Variants in IDO2 observed in about 807,000 individuals in gnomAD.
IDO2 encodes the protein indoleamine 2,3-dioxygenase 2, also known as indoleamine 2,3-dioxygenase-like 1 protein.
In IDO2, 46 loss-of-function variants were observed where a neutral mutation model predicts 45.1. The observed-to-expected ratio is 1.02, with a 90% confidence interval of 0.80 to 1.30. The LOEUF (loss-of-function observed/expected upper bound fraction) is 1.30, where lower values mean the gene tolerates loss of function less well. IDO2 is among the 50% of genes most tolerant of loss of function. The probability of loss-of-function intolerance (pLI) is 0.00; values close to 1 mark genes in which losing one functional copy is unlikely to be tolerated. For missense variants in IDO2, 544 were observed against 491.8 expected (o/e 1.11, Z -1.00); for synonymous variants, 218 against 184.9 (o/e 1.18, Z -1.45).
chr8:39,948,999 G>C (rs532754634), intron 1 of IDO2, 150 bp from the exon 2 acceptor site: 521 of 984,034 alleles, frequency 5.3e-4, no homozygotes, highest in Middle Eastern at 1.3e-3. Flanking sequence ...CCCTGTCTCA[G>C]AGAAAGTCCA....
At chr8:39,972,678 G>A (rs964641327) in intron 3 of IDO2, among the ~76,000 whole-genome samples, 8 of 147,678 alleles carry the variant, frequency 5.4e-5, no homozygotes, top group African/African-American at 2.0e-4. Context: ...TTGCATGCAT[G>A]CAATGGATAA....
intron 1 of IDO2, among the ~76,000 whole-genome samples, chr8:39,948,096 G>A (rs1807765871): frequency 6.6e-6 from 1 of 152,202 alleles, no homozygotes; most frequent in African/African-American, 2.4e-5. Flanking sequence ...AGCCTCGAGT[G>A]CTATTTCTTT....
At chr8:39,951,466 G>A (rs1016398798) in intron 2 of IDO2, among the ~76,000 whole-genome samples, 4 of 152,092 alleles carry the variant, frequency 2.6e-5, no homozygotes, top group African/African-American at 4.8e-5. Flanking sequence ...TCAGGAAAGT[G>A]CTGGGACAAT....
chr8:39,977,178 A>T (rs1362349195), intron 3 of IDO2, among the ~76,000 whole-genome samples: 2 of 152,194 alleles, frequency 1.3e-5, no homozygotes, highest in African/African-American at 2.4e-5. Context: ...TGAATGATTG[A>T]TGGGGAAAGA....
chr8:39,981,302 T>C (rs2543068), intron 4 of IDO2, among the ~76,000 whole-genome samples: 125,150 of 151,986 alleles, frequency 0.82, 51,909 homozygotes, highest in African/African-American at 0.91. Context: ...CCTCGTGATC[T>C]GCCCGCCTTC....
intron 3 of IDO2, 142 bp from the exon 4 acceptor site, chr8:39,978,925 C>A (rs1034539092): frequency 1.4e-6 from 1 of 719,806 alleles, no homozygotes; most frequent in Non-Finnish European, 2.3e-6. Context: ...GGTGTGTGTG[C>A]GGGCTCTTTG....
At chr8:39,942,982 A>G (rs1370108580) in intron 1 of IDO2, among the ~76,000 whole-genome samples, 2 of 152,240 alleles carry the variant, frequency 1.3e-5, no homozygotes, top group African/African-American at 4.8e-5. Context: ...TTAAACATGC[A>G]GAGTCTGAGA....
intron 8 of IDO2, among the ~76,000 whole-genome samples, chr8:39,996,761 G>A (rs780181215): frequency 2.2e-4 from 33 of 151,872 alleles, no homozygotes; most frequent in Middle Eastern, 3.4e-3. Flanking sequence ...TTGAAGACAC[G>A]GTTTGAAAAA....
chr8:39,981,645 C>T (rs1326058917), intron 4 of IDO2, among the ~76,000 whole-genome samples: 1 of 152,106 alleles, frequency 6.6e-6, no homozygotes, highest in Non-Finnish European at 1.5e-5. Context: ...CCAATGCCTT[C>T]TGAGGAAAGT....
chr8:39,943,015 A>C (rs1205924432), intron 1 of IDO2, among the ~76,000 whole-genome samples: 1 of 152,206 alleles, frequency 6.6e-6, no homozygotes, highest in Non-Finnish European at 1.5e-5. Context: ...GAGGCATAAG[A>C]TGCTGAACTG....
intron 2 of IDO2, among the ~76,000 whole-genome samples, chr8:39,963,155 C>G (rs755912111): frequency 3.9e-5 from 6 of 152,182 alleles, no homozygotes. Flanking sequence ...CAGGAAGCAC[C>G]TACATCTGTT....
chr8:39,939,757 A>G, intron 1 of IDO2, among the ~76,000 whole-genome samples: 1 of 151,876 alleles, frequency 6.6e-6, no homozygotes, highest in Non-Finnish European at 1.5e-5. Flanking sequence ...CAACGAAAGG[A>G]CTTAAATGTC....
chr8:39,974,058 G>A (rs1808222526), intron 3 of IDO2, among the ~76,000 whole-genome samples: 1 of 152,042 alleles, frequency 6.6e-6, no homozygotes, highest in Non-Finnish European at 1.5e-5. Flanking sequence ...GTTTGTATTG[G>A]TGTGCTATGC....
At chr8:40,010,951 G>A (rs4428659) in intron 9 of IDO2, among the ~76,000 whole-genome samples, 29,444 of 152,004 alleles carry the variant, frequency 0.19, 3,102 homozygotes, top group East Asian at 0.36. Flanking sequence ...TTGCTCTTTC[G>A]CCCAAACTGG....
chr8:39,951,588 C>T (rs1332904302), intron 2 of IDO2, among the ~76,000 whole-genome samples: 1 of 152,124 alleles, frequency 6.6e-6, no homozygotes, highest in African/African-American at 2.4e-5. Context: ...GATCTGGTGC[C>T]ACCTCCACTA....
At chr8:39,963,524 A>G (rs1269600247) in intron 2 of IDO2, 84 bp from the exon 3 acceptor site, 3 of 751,978 alleles carry the variant, frequency 4.0e-6, no homozygotes, top group Non-Finnish European at 6.6e-6. Context: ...ATTCCCCTGA[A>G]GACTGAAATG....
At chr8:39,952,133 C>T (rs977982658) in intron 2 of IDO2, among the ~76,000 whole-genome samples, 18 of 152,236 alleles carry the variant, frequency 1.2e-4, no homozygotes, top group African/African-American at 3.9e-4. Context: ...AGGTAGCAGA[C>T]GGACATTTTC....
chr8:39,955,212 C>T (rs1364845199), intron 2 of IDO2, among the ~76,000 whole-genome samples: 2 of 145,908 alleles, frequency 1.4e-5, no homozygotes, highest in Non-Finnish European at 3.0e-5. Context: ...AAATATTAAC[C>T]AATATAAACC....
At chr8:39,974,257 A>T (rs929541549) in intron 3 of IDO2, among the ~76,000 whole-genome samples, 1 of 152,232 alleles carries the variant, frequency 6.6e-6, no homozygotes, top group African/African-American at 2.4e-5. Flanking sequence ...TGTATGGAAT[A>T]CATACTAAAC....
Sources: gnomAD v4.1 joint callset for allele counts (sites outside exome capture counted in the v4.1 genomes callset) on GRCh38, gnomAD v4.1.1 for gene constraint, MANE v1.5 for transcripts, NCBI Gene and HGNC (gene_info 2026-07-23, HGNC 2026-07-21) for gene names.